KDM2B: variants seen among roughly 807,000 people sequenced by gnomAD.
The protein encoded by KDM2B is lysine-specific demethylase 2B.
Under a neutral mutation model 150.0 loss-of-function variants are expected in KDM2B, and 26 were observed. The ratio of observed to expected loss-of-function variants is 0.17; its 90% CI spans 0.13 to 0.24. The LOEUF (loss-of-function observed/expected upper bound fraction) is 0.24, where lower values mean the gene tolerates loss of function less well. Ranked by LOEUF, KDM2B falls within the 10% of genes least tolerant of loss-of-function variation. The pLI is 1.00. For missense variants in KDM2B, 1,265 were observed against 1,816.9 expected, an observed-to-expected ratio of 0.70 and a Z score of 5.52; for synonymous variants, 734 against 729.5, an observed-to-expected ratio of 1.01 and a Z score of -0.10.
chr12:121,483,119 C>A (rs61953499), intron 12 of KDM2B, among the ~76,000 whole-genome samples: 50 of 151,674 alleles, frequency 3.3e-4, no homozygotes, highest in Non-Finnish European at 5.3e-4. Flanking sequence ...GCCAGGATTG[C>A]GCCACTGCAC....
intron 12 of KDM2B, among the ~76,000 whole-genome samples, chr12:121,473,014 A>G (rs1249111239): frequency 6.6e-6 from 1 of 152,126 alleles, no homozygotes; most frequent in East Asian, 1.9e-4. Flanking sequence ...ATCATCCTCC[A>G]AAAAAGGACC....
intron 10 of KDM2B, among the ~76,000 whole-genome samples, chr12:121,512,894 T>C (rs1555304236): frequency 6.6e-6 from 1 of 152,168 alleles, no homozygotes; most frequent in East Asian, 1.9e-4. Context: ...TGCTCTTACA[T>C]AGATAAAAAC....
chr12:121,445,337 A>G lies in KDM2B; in HGVS notation c.2041T>C (p.Phe681Leu). 1.2e-6 allele frequency: 2 copies of G among 1,613,678 alleles called. No individual in the cohort carries two copies. The highest frequency in any genetic ancestry group is 1.7e-6 in the Non-Finnish European group (2 of 1,179,788). ...EDTVEEEEGKFNLMLMECSIC... is the reference protein window; with the variant it reads ...EDTVEEEEGKLNLMLMECSIC... Reference sequence around the variant, plus strand: ...GAGCACTCCATGAGCATGAGGTTAAACTTGCCTTCCTCCTCTTCCACCGTG... The same window carrying G: ...GAGCACTCCATGAGCATGAGGTTAAGCTTGCCTTCCTCCTCTTCCACCGTG... Residue 681 changes from phenylalanine to leucine, a missense_variant, in exon 14 of 23, where the codon TTT becomes CTT. Phe to Leu is a conservative substitution (Grantham distance 22, BLOSUM62 0). Transcript: ENST00000377071.
chr12:121,443,877 A>G, intron 16 of KDM2B, 84 bp from the exon 17 acceptor site: 1 of 1,394,298 alleles, frequency 7.2e-7, no homozygotes, highest in South Asian at 1.3e-5. Context: ...GACTTAGGTG[A>G]CCTGCTCAGG....
At chr12:121,517,039 G>T (rs550224503) in intron 9 of KDM2B, among the ~76,000 whole-genome samples, 8 of 151,984 alleles carry the variant, frequency 5.3e-5, no homozygotes, top group African/African-American at 1.5e-4. Context: ...CCACTGGGAG[G>T]GGGGGAAAGA....
At chr12:121,568,673 G>C (rs907551558) in intron 4 of KDM2B, among the ~76,000 whole-genome samples, 14 of 152,260 alleles carry the variant, frequency 9.2e-5, no homozygotes, top group Middle Eastern at 3.4e-3. Context: ...AGGTTCACTA[G>C]CAGTGGAGGG....
At chr12:121,447,434 G>A (rs900030811) in intron 13 of KDM2B, among the ~76,000 whole-genome samples, 1 of 151,586 alleles carries the variant, frequency 6.6e-6, no homozygotes, top group Non-Finnish European at 1.5e-5. Flanking sequence ...GTAGAGATGC[G>A]GGGTTTCACC....
intron 11 of KDM2B, among the ~76,000 whole-genome samples, chr12:121,495,738 T>C (rs1211601013): frequency 6.6e-6 from 1 of 152,192 alleles, no homozygotes; most frequent in Non-Finnish European, 1.5e-5. Flanking sequence ...CATGACTCCG[T>C]CCTTTAGTCA....
intron 11 of KDM2B, among the ~76,000 whole-genome samples, chr12:121,499,506 C>T (rs1211710610): frequency 6.6e-6 from 1 of 151,890 alleles, no homozygotes; most frequent in East Asian, 1.9e-4. Flanking sequence ...TAAAAATTAG[C>T]TGGGCATGGT....
At chr12:121,465,227 T>C (rs964335466) in intron 12 of KDM2B, among the ~76,000 whole-genome samples, 1 of 152,122 alleles carries the variant, frequency 6.6e-6, no homozygotes, top group Non-Finnish European at 1.5e-5. Flanking sequence ...TTGTTTTTGT[T>C]TTTGTTTTTG....
chr12:121,447,930 T>G lies in KDM2B; in HGVS notation c.1960-2512A>C, dbSNP rs1474335910. Among the ~76,000 whole-genome samples the G allele has an allele frequency of 3.9e-5, 6 of 152,128 alleles. No individual in the cohort carries two copies. The East Asian group carries it at 1.2e-3, about 29-fold the overall frequency. Reference sequence around the variant, plus strand: ...CCTTAGCCTCCCAAAGTGTTGTGATTGCAGGCATTAGCCACCGCGCCCGGC... The same window carrying G: ...CCTTAGCCTCCCAAAGTGTTGTGATGGCAGGCATTAGCCACCGCGCCCGGC... On this transcript the variant is annotated intron_variant, in intron 13 of 22. Coordinates refer to ENST00000377071, the MANE Select transcript of KDM2B (RefSeq NM_032590.5).
At chr12:121,525,668 C>T (rs1887069326) in intron 8 of KDM2B, among the ~76,000 whole-genome samples, 1 of 152,166 alleles carries the variant, frequency 6.6e-6, no homozygotes, top group Non-Finnish European at 1.5e-5. Context: ...TTTCCCACGG[C>T]CCCAACCCAT....
At chr12:121,563,947 G>A (rs1555314357) in intron 4 of KDM2B, among the ~76,000 whole-genome samples, 1 of 151,854 alleles carries the variant, frequency 6.6e-6, no homozygotes, top group African/African-American at 2.4e-5. Context: ...AGGAAATCCT[G>A]CCTCTACAAA....
the KDM2B span, among the ~76,000 whole-genome samples, chr12:121,414,860 G>A: frequency 3.9e-5 from 6 of 152,186 alleles, no homozygotes; most frequent in African/African-American, 1.2e-4. Context: ...TCGGGAGGCC[G>A]AGGTGGGTGG....
At chr12:121,564,978 G>A (rs782263167) in intron 4 of KDM2B, among the ~76,000 whole-genome samples, 21 of 151,892 alleles carry the variant, frequency 1.4e-4, no homozygotes, top group African/African-American at 4.8e-4. Context: ...GATTGCAGGC[G>A]TGCACCACCA....
chr12:121,417,375 G>A, the KDM2B span: 1 of 726,400 alleles, frequency 1.4e-6, no homozygotes, highest in Non-Finnish European at 2.2e-6. This position sits in a 1 kb window ranked among gnomAD's most constrained non-coding sequence, Gnocchi z 5.0. Flanking sequence ...AAATACCTCT[G>A]GAAATAGTCT....
intron 4 of KDM2B, among the ~76,000 whole-genome samples, chr12:121,568,260 G>A (rs1212849477): frequency 1.3e-5 from 2 of 152,062 alleles, no homozygotes; most frequent in Non-Finnish European, 2.9e-5. Flanking sequence ...CTTGGGCTCA[G>A]AAATTTGAGA....
intron 11 of KDM2B, 142 bp downstream of exon 11, chr12:121,509,425 C>T: frequency 7.0e-7 from 1 of 1,428,978 alleles, no homozygotes; most frequent in Non-Finnish European, 9.2e-7. Flanking sequence ...GACTGAGACC[C>T]CAGAAGCCCC....
the KDM2B span, among the ~76,000 whole-genome samples, chr12:121,422,908 T>C: frequency 7.0e-6 from 1 of 142,360 alleles, no homozygotes; most frequent in African/African-American, 3.0e-5. Context: ...TATTCCTAAC[T>C]TTCCTAAGGG....
Sources: allele counts gnomAD v4.1 joint callset (sites outside exome capture counted in the v4.1 genomes callset), GRCh38; gene constraint gnomAD v4.1.1; non-coding constraint Gnocchi (gnomAD v3.1); transcripts MANE v1.5; gene names NCBI Gene and HGNC (gene_info 2026-07-23, HGNC 2026-07-21).